TLE7: variants seen among roughly 807,000 people sequenced by gnomAD.
The protein encoded by TLE7 is transducin-like enhancer protein 7.
intron 1 of TLE7, among the ~76,000 whole-genome samples, chr16:71,441,256 T>G (rs1000428175): frequency 6.6e-6 from 1 of 152,216 alleles, no homozygotes; most frequent in East Asian, 1.9e-4. Context: ...TCACTTTTTT[T>G]TGTTGTTGGT....
chr16:71,433,452 G>A, intron 1 of TLE7, 32 bp from the exon 2 acceptor site: 1 of 397,648 alleles, frequency 2.5e-6, no homozygotes, highest in Non-Finnish European at 4.4e-6. Context: ...ACGCAGCTAT[G>A]CACATGTGCT....
At chr16:71,440,652 C>G in intron 1 of TLE7, among the ~76,000 whole-genome samples, 1 of 152,196 alleles carries the variant, frequency 6.6e-6, no homozygotes, top group Non-Finnish European at 1.5e-5. Context: ...GTTTTCTTCC[C>G]TTTGCTCCCC....
intron 1 of TLE7, among the ~76,000 whole-genome samples, chr16:71,441,730 C>G (rs1264554685): frequency 6.6e-6 from 1 of 152,234 alleles, no homozygotes; most frequent in Admixed American, 6.5e-5. Context: ...CTCCCCTGCC[C>G]CCTTCCAGAC....
At chr16:71,432,847 G>A (rs1946981490) in intron 3 of TLE7, 23 bp downstream of exon 3, 4 of 399,018 alleles carry the variant, frequency 1.0e-5, no homozygotes, top group Admixed American at 8.8e-5. Flanking sequence ...GCAACCACAC[G>A]CACCACTATG....
At chr16:71,430,541 A>G (rs753141960) in intron 9 of TLE7, 127 bp downstream of exon 9, 14 of 397,338 alleles carry the variant, frequency 3.5e-5, no homozygotes, top group South Asian at 2.8e-4. Flanking sequence ...CATTTCCCCT[A>G]CTCTGTAAAA....
At chr16:71,437,787 G>A (rs1200843804) in intron 1 of TLE7, among the ~76,000 whole-genome samples, 1 of 152,012 alleles carries the variant, frequency 6.6e-6, no homozygotes, top group Non-Finnish European at 1.5e-5. Context: ...CCCTTCTTTT[G>A]AAGAAATCCT....
At chr16:71,436,988 G>A (rs981868509) in intron 1 of TLE7, among the ~76,000 whole-genome samples, 11 of 152,302 alleles carry the variant, frequency 7.2e-5, no homozygotes, top group East Asian at 1.9e-4. Flanking sequence ...TGGGGAGGCC[G>A]AGGCGGGCAG....
chr16:71,430,698 C>T lies in TLE7; in HGVS notation c.1191G>A (p.Leu397=), dbSNP rs939434235. ...VTAIDTRLSG[L]EAPSLQKLFQ... is the part of the protein sequence containing the mutation. ...ACAACTTTTGCAGAGAAGGTGCCTC[C>T]AAGCCACTGAGGCGCGTATCTATCG... Residue 397 remains leucine (L), a synonymous_variant, in exon 9 of 10, where the codon TTG becomes TTA. Transcript: ENST00000561754. The T allele has an allele frequency of 5.0e-6, 2 of 398,610 alleles. No homozygotes were observed. The highest frequency in any genetic ancestry group is 8.8e-6 in the Non-Finnish European group (2 of 226,088). The allele number at this position is 398,610 out of a possible 1,614,324, so 24.7% of individuals were successfully genotyped here.
intron 1 of TLE7, 24 bp from the exon 2 acceptor site, chr16:71,433,444 G>A (rs987624236): frequency 2.5e-5 from 10 of 397,534 alleles, no homozygotes; most frequent in African/African-American, 1.2e-4. Context: ...AAAAAGAGAC[G>A]CAGCTATGCA....
intron 1 of TLE7, among the ~76,000 whole-genome samples, chr16:71,441,407 G>A (rs1479073173): frequency 1.3e-5 from 2 of 152,246 alleles, no homozygotes; most frequent in African/African-American, 4.8e-5. Context: ...CACTCAGAGC[G>A]TCCTTGGGGT....
At chr16:71,436,890 GAGGC>G (rs1273799467) in intron 1 of TLE7, among the ~76,000 whole-genome samples, 3 of 152,192 alleles carry the variant, frequency 2.0e-5, no homozygotes, top group Non-Finnish European at 4.4e-5. Flanking sequence ...AAATCCCCTG[GAGGC>G]CTTGTTAAAA....
At chr16:71,435,373 T>A (rs1007874650) in intron 1 of TLE7, among the ~76,000 whole-genome samples, 1 of 152,140 alleles carries the variant, frequency 6.6e-6, no homozygotes, top group African/African-American at 2.4e-5. Context: ...ATCGTGCCAA[T>A]GCACTCCAGC....
chr16:71,437,084 C>T (rs1337758315), intron 1 of TLE7, among the ~76,000 whole-genome samples: 2 of 152,150 alleles, frequency 1.3e-5, no homozygotes, highest in Non-Finnish European at 2.9e-5. Flanking sequence ...TATGGTGGTG[C>T]ACGCCTGTAA....
intron 4 of TLE7, 50 bp from the exon 5 acceptor site, chr16:71,432,375 T>C (rs1418904302): frequency 2.8e-5 from 11 of 398,884 alleles, no homozygotes; most frequent in Non-Finnish European, 4.4e-5. Context: ...CTATCATTAA[T>C]AGGACAGTCC....
intron 1 of TLE7, among the ~76,000 whole-genome samples, chr16:71,436,469 A>G (rs2042826498): frequency 6.6e-6 from 1 of 152,154 alleles, no homozygotes; most frequent in Non-Finnish European, 1.5e-5. Context: ...GAGCCCTTGA[A>G]TTGGGGGTAG....
At chr16:71,439,877 A>G (rs927332636) in intron 1 of TLE7, among the ~76,000 whole-genome samples, 22 of 152,232 alleles carry the variant, frequency 1.4e-4, no homozygotes, top group African/African-American at 5.1e-4. Context: ...CCAAAAATGG[A>G]AAACAGGGAC....
intron 1 of TLE7, among the ~76,000 whole-genome samples, chr16:71,437,988 G>A (rs913751370): frequency 6.6e-6 from 1 of 152,178 alleles, no homozygotes; most frequent in Non-Finnish European, 1.5e-5. Flanking sequence ...AAGAGTCTTG[G>A]ATCTCACGCA....
chr16:71,440,335 C>T (rs1051025170), intron 1 of TLE7, among the ~76,000 whole-genome samples: 4 of 152,114 alleles, frequency 2.6e-5, no homozygotes, highest in Non-Finnish European at 5.9e-5. Context: ...TTTAAAATAG[C>T]TAAGATGAGC....
At position 71,433,430 on chromosome 16, in the gene TLE7, G is replaced by GA. The variant is rs915980521; in HGVS notation, c.-96-11dup. ...AGTGTGTCCTGATCCCCTGTAAGGT[G>GA]AAAAAAAAGAGACGCAGCTATGCAC... On this transcript the variant is annotated splice_polypyrimidine_tract_variant and intron_variant, in intron 1 of 9. Transcript: ENST00000561754. 5.0e-5 allele frequency: 20 copies of GA among 397,302 alleles called. No individual in the cohort carries two copies. The highest frequency in any genetic ancestry group is 3.6e-4 in the East Asian group (10 of 28,080). The allele number at this position is 397,302 out of a possible 1,614,324, so 24.6% of individuals were successfully genotyped here.
Sources: allele counts gnomAD v4.1 joint callset (sites outside exome capture counted in the v4.1 genomes callset), GRCh38; gene constraint gnomAD v4.1.1; transcripts MANE v1.5; gene names NCBI Gene and HGNC (gene_info 2026-07-23, HGNC 2026-07-21).